Variants in PCDHGA10 observed in about 807,000 individuals in gnomAD.
PCDHGA10 encodes the protein protocadherin gamma subfamily A, 10, also known as protocadherin gamma-A10.
Under a neutral mutation model 59.5 loss-of-function variants are expected in PCDHGA10, and 42 were observed. The observed-to-expected ratio is 0.71, with a 90% CI of 0.55 to 0.91. PCDHGA10 has a LOEUF of 0.91. PCDHGA10 is among the 40% of genes least tolerant of loss of function. The probability of loss-of-function intolerance (pLI) is 0.00; values close to 1 mark genes in which losing one functional copy is unlikely to be tolerated. For missense variants in PCDHGA10, 1,111 were observed against 1,198.2 expected (o/e 0.93, Z 1.07); for synonymous variants, 511 against 517.2 (o/e 0.99, Z 0.16).
In PCDHGA10 at chr5:141,505,574, CCT is replaced by C. The variant is rs562555098; in HGVS notation, c.2584+94_2584+95del. 5.3e-5 allele frequency: 85 copies of C among 1,593,636 alleles called. No individual in the cohort carries two copies. The African/African-American group carries it at 1.0e-3, about 20-fold the overall frequency. On this transcript the variant is annotated intron_variant, in intron 3 of 3. Coordinates refer to ENST00000398610, the MANE Select transcript of PCDHGA10 (RefSeq NM_018913.3). ...CCATGCCCACGGACTGGATGTCAAACCTGTGTAGTTTCTCCAGATCTTTCGGC... is the reference window on the plus strand; with the variant it reads ...CCATGCCCACGGACTGGATGTCAAACGTGTAGTTTCTCCAGATCTTTCGGC...
intron 1 of PCDHGA10, chr5:141,427,435 T>C (rs536693959): frequency 2.1e-6 from 1 of 474,160 alleles, no homozygotes; most frequent in African/African-American, 2.0e-5. Flanking sequence ...ACATGCCTCA[T>C]AAACGAAAGA....
At position 141,477,137 on chromosome 5, in the gene PCDHGA10, G is replaced by A; in HGVS notation, c.2437-17670G>A. 1 of 1,614,200 alleles carries A rather than the reference G, an allele frequency of 6.2e-7. No individual in the cohort carries two copies. The highest frequency in any genetic ancestry group is 8.5e-7 in the Non-Finnish European group (1 of 1,180,050). On this transcript the variant is annotated intron_variant, in intron 1 of 3. Coordinates refer to ENST00000398610, the MANE Select transcript of PCDHGA10 (RefSeq NM_018913.3). The surrounding 1 kb of genome is among the most constrained non-coding windows in gnomAD (Gnocchi z 4.9). ...AGGAGCACATTGCAAAGTGTTGGTG[G>A]AGGTTGTGGATGTGAATGACAACGC...
intron 2 of PCDHGA10, among the ~76,000 whole-genome samples, chr5:141,499,738 A>G (rs1284003023): frequency 2.4e-5 from 3 of 127,268 alleles, no homozygotes; most frequent in South Asian, 2.4e-4. Flanking sequence ...TCTCTTGCCC[A>G]GGCTGTGGCA....
At position 141,489,969 on chromosome 5, in the gene PCDHGA10, A is replaced by C. The variant is rs746202385; in HGVS notation, c.2437-4838A>C. On this transcript the variant is annotated intron_variant, in intron 1 of 3. Coordinates refer to ENST00000398610, the MANE Select transcript of PCDHGA10 (RefSeq NM_018913.3). This position sits in a 1 kb window ranked among gnomAD's most constrained non-coding sequence, Gnocchi z 4.5. The stretch of plus-strand genomic sequence containing the variant: ...TCAATGATAATGCTCCAACCTTCCA[A>C]TCCTCAGTTCTACGTGTGGGAATCC... 4 of 1,614,008 alleles carry C rather than the reference A, an allele frequency of 2.5e-6. No individual in the cohort carries two copies.
rs770235234 is a variant in PCDHGA10 at position 141,422,145 on chromosome 5, G to T, written c.2436+6534G>T. On this transcript the variant is annotated intron_variant, in intron 1 of 3. Coordinates refer to ENST00000398610, the MANE Select transcript of PCDHGA10 (RefSeq NM_018913.3). Reference sequence around the variant, plus strand: ...AAACTGGAGAAGTTCAAGTACGGGGGTCTCTGGATTTTGAAAAATATAGAT... The same window carrying T: ...AAACTGGAGAAGTTCAAGTACGGGGTTCTCTGGATTTTGAAAAATATAGAT... The T allele has an allele frequency of 8.2e-6, 13 of 1,580,608 alleles. No individual in the cohort carries two copies. The African/African-American group carries it at 1.5e-4, about 18-fold the overall frequency.
intron 1 of PCDHGA10, among the ~76,000 whole-genome samples, chr5:141,445,720 G>T (rs2098475440): frequency 6.6e-6 from 1 of 152,158 alleles, no homozygotes; most frequent in Non-Finnish European, 1.5e-5. Flanking sequence ...AGAGGAAATA[G>T]CATGTGTAAA....
At chr5:141,424,700 T>C (rs1359856009) in intron 1 of PCDHGA10, 3 of 152,228 alleles carry the variant, frequency 2.0e-5, no homozygotes, top group African/African-American at 7.2e-5. Context: ...TATTTTTTTG[T>C]TCATTTTCAG....
intron 1 of PCDHGA10, among the ~76,000 whole-genome samples, chr5:141,481,789 T>TAAAAATAC (rs972511310): frequency 3.3e-5 from 5 of 151,186 alleles, no homozygotes; most frequent in African/African-American, 1.2e-4. Flanking sequence ...CCGTCTCTAC[T>TAAAAATAC]AAAAATACAA....
chr5:141,473,860 A>G (rs184722742), intron 1 of PCDHGA10, among the ~76,000 whole-genome samples: 409 of 152,318 alleles, frequency 2.7e-3, no homozygotes, highest in Middle Eastern at 6.8e-3. Context: ...GAACCTCGCT[A>G]TTGTGGAGAA....
rs1265422100 is a variant in PCDHGA10 at position 141,490,199 on chromosome 5, C to A, written c.2437-4608C>A. On this transcript the variant is annotated intron_variant, in intron 1 of 3. Transcript: ENST00000398610. This position sits in a 1 kb window ranked among gnomAD's most constrained non-coding sequence, Gnocchi z 5.4. The stretch of plus-strand genomic sequence containing the variant: ...GAGTCACGTTTCTATGAAATTCATG[C>A]AAGAGCCCGTGACCAGGGACAGCCT... The A allele has an allele frequency of 1.9e-6, 3 of 1,614,184 alleles. No homozygotes were observed. The highest frequency in any genetic ancestry group is 2.5e-6 in the Non-Finnish European group (3 of 1,180,024).
At chr5:141,505,028 G>A (rs2099842951) in intron 2 of PCDHGA10, among the ~76,000 whole-genome samples, 1 of 152,164 alleles carries the variant, frequency 6.6e-6, no homozygotes, top group Admixed American at 6.5e-5. Flanking sequence ...CTGGCACAGT[G>A]GCAGGTGCCT....
At position 141,431,698 on chromosome 5, in the gene PCDHGA10, AT is replaced by A. The variant is rs2097408637; in HGVS notation, c.2436+16089del. ...GGGAGTTGGACCACGAGGAGTCAGG[AT>A]TCTACCAGATGGAAGTGCAAGCAAT... On this transcript the variant is annotated intron_variant, in intron 1 of 3. Coordinates refer to ENST00000398610, the MANE Select transcript of PCDHGA10 (RefSeq NM_018913.3). The surrounding 1 kb of genome is among the most constrained non-coding windows in gnomAD (Gnocchi z 4.8). 4.3e-6 allele frequency: 7 copies of A among 1,614,104 alleles called. 1 individual carries two copies. The South Asian group carries it at 7.7e-5, about 18-fold the overall frequency.
chr5:141,432,172 C>T lies in PCDHGA10; in HGVS notation c.2436+16561C>T, dbSNP rs562175068. ...AGAACAATCCCAGAGGAGTTTCCCT[C>T]GTCTCTGTGACCGCCCACGACCCCG... On this transcript the variant is annotated intron_variant, in intron 1 of 3. Coordinates refer to ENST00000398610, the MANE Select transcript of PCDHGA10 (RefSeq NM_018913.3). This position sits in a 1 kb window ranked among gnomAD's most constrained non-coding sequence, Gnocchi z 6.0. 22 of 1,614,152 alleles carry T rather than the reference C, an allele frequency of 1.4e-5. No individual in the cohort carries two copies. In the Admixed American group the frequency reaches 3.5e-4, roughly 26 times the overall value.
chr5:141,431,424 G>T lies in PCDHGA10; in HGVS notation c.2436+15813G>T, dbSNP rs747132868. 6.8e-6 allele frequency: 11 copies of T among 1,613,676 alleles called. No homozygotes were observed. The highest frequency in any genetic ancestry group is 5.9e-6 in the Non-Finnish European group (7 of 1,180,028). On this transcript the variant is annotated intron_variant, in intron 1 of 3. Coordinates refer to ENST00000398610, the MANE Select transcript of PCDHGA10 (RefSeq NM_018913.3). The surrounding 1 kb of genome is among the most constrained non-coding windows in gnomAD (Gnocchi z 4.8). ...GCCTCCGACGGGGGCGACCCGGTGC[G>T]CACAGGCACCGCGCGCATCCGCGTG...
In PCDHGA10 at chr5:141,432,897, C is replaced by A. The variant is rs780142081; in HGVS notation, c.2436+17286C>A. 1.2e-6 allele frequency: 2 copies of A among 1,614,178 alleles called. No individual in the cohort carries two copies. Among genetic ancestry groups the A allele is most frequent in the Non-Finnish European group, 1.7e-6 (2 of 1,180,010 alleles). On this transcript the variant is annotated intron_variant, in intron 1 of 3. Coordinates refer to ENST00000398610, the MANE Select transcript of PCDHGA10 (RefSeq NM_018913.3). The surrounding 1 kb of genome is among the most constrained non-coding windows in gnomAD (Gnocchi z 6.0). ...CTGGCCTTCGTCATCTTGCTGCTGGCGCTCAGGCTGCGGCGCTGGCACAAG... is the reference window on the plus strand; with the variant it reads ...CTGGCCTTCGTCATCTTGCTGCTGGAGCTCAGGCTGCGGCGCTGGCACAAG...
chr5:141,421,404 G>A, intron 1 of PCDHGA10: 17 of 1,614,080 alleles, frequency 1.1e-5, no homozygotes, highest in Non-Finnish European at 1.4e-5. Flanking sequence ...AGCCCCGGGA[G>A]CTGGCGAAGC....
In PCDHGA10 at chr5:141,418,244, C is replaced by T. The variant is rs746986702; in HGVS notation, c.2436+2633C>T. 1.3e-5 allele frequency: 21 copies of T among 1,613,980 alleles called. No individual in the cohort carries two copies. The South Asian group carries it at 2.2e-4, about 17-fold the overall frequency. ...TGTGGTGATTGAGGATGTTAATGAC[C>T]ACGCCCCTCAATTCCGGAAAGATGA... is the stretch of plus-strand genomic sequence containing the variant. On this transcript the variant is annotated intron_variant, in intron 1 of 3. Transcript: ENST00000398610.
chr5:141,447,048 A>T (rs149112101), intron 1 of PCDHGA10, among the ~76,000 whole-genome samples: 1 of 152,066 alleles, frequency 6.6e-6, no homozygotes, highest in Non-Finnish European at 1.5e-5. Flanking sequence ...CTGGAATTCT[A>T]TTAAAATGTG....
At chr5:141,507,831 T>C (rs2099864030) in intron 3 of PCDHGA10, among the ~76,000 whole-genome samples, 1 of 152,134 alleles carries the variant, frequency 6.6e-6, no homozygotes, top group African/African-American at 2.4e-5. Context: ...GTGGAGGTGG[T>C]GGGTCAGGCC....
Sources: gnomAD v4.1 joint callset for allele counts (sites outside exome capture counted in the v4.1 genomes callset) on GRCh38, gnomAD v4.1.1 for gene constraint, Gnocchi (gnomAD v3.1) non-coding constraint, MANE v1.5 for transcripts, NCBI Gene and HGNC (gene_info 2026-07-23, HGNC 2026-07-21) for gene names.